Variants in NRG1 observed in about 807,000 individuals in gnomAD.
The protein encoded by NRG1 is pro-neuregulin-1, membrane-bound isoform.
NRG1 carries 18 observed loss-of-function variants against 63.8 expected under a neutral mutation model. That is an observed-to-expected ratio of 0.28 (90% CI 0.19 to 0.42). The LOEUF (loss-of-function observed/expected upper bound fraction) is 0.42, where lower values mean the gene tolerates loss of function less well. Ranked by LOEUF, NRG1 falls within the 10% of genes least tolerant of loss-of-function variation. The probability of loss-of-function intolerance (pLI) is 1.00; values close to 1 mark genes in which losing one functional copy is unlikely to be tolerated. For synonymous variants in NRG1, 302 were observed against 301.3 expected (o/e 1.00, Z -0.02); for missense variants, 762 against 814.7 (o/e 0.94, Z 0.79).
intron 1 of NRG1, among the ~76,000 whole-genome samples, chr8:31,851,459 G>C (rs949527252): frequency 6.6e-6 from 1 of 152,044 alleles, no homozygotes; most frequent in Admixed American, 6.6e-5. Context: ...CTATTGTTTT[G>C]ATATAATTAG....
intron 6 of NRG1, among the ~76,000 whole-genome samples, chr8:32,734,753 T>C (rs1012639798): frequency 7.2e-5 from 11 of 152,318 alleles, no homozygotes; most frequent in African/African-American, 2.6e-4. Flanking sequence ...TTCTTTAGTT[T>C]TTATAGGATT....
At chr8:32,646,941 TGAA>T (rs1853681821) in intron 5 of NRG1, 1 of 981,990 alleles carries the variant, frequency 1.0e-6, no homozygotes, top group Non-Finnish European at 1.2e-6. Context: ...CGGGCTTGGA[TGAA>T]GAAGGGAAAG....
rs1819756072 is a variant in NRG1, at chr8:31,782,215, C to T, written c.37+142784C>T. Among the ~76,000 whole-genome samples the T allele has an allele frequency of 2.6e-5, 4 of 152,156 alleles. No homozygotes were observed. The South Asian group carries it at 8.3e-4, about 31-fold the overall frequency. ...GGTCTTCAGATGCACTGAACATCTT[C>T]CTGCTTGAGGATGTTTGCTGCCTTA... On this transcript the variant is annotated intron_variant, in intron 1 of 10. Coordinates refer to the NRG1 transcript ENST00000519301.
intron 1 of NRG1, among the ~76,000 whole-genome samples, chr8:31,974,536 A>G (rs1350886247): frequency 2.6e-5 from 4 of 151,988 alleles, no homozygotes; most frequent in Non-Finnish European, 5.9e-5. Context: ...GCTCCGAAGT[A>G]CCCTGACTGT....
intron 4 of NRG1, among the ~76,000 whole-genome samples, chr8:32,614,939 G>A (rs749677818): frequency 6.6e-6 from 1 of 152,038 alleles, no homozygotes; most frequent in Non-Finnish European, 1.5e-5. Context: ...TGGGTAATTT[G>A]TCAACATCTG....
chr8:32,676,149 T>TC (rs2128905914), intron 5 of NRG1, among the ~76,000 whole-genome samples: 1 of 152,292 alleles, frequency 6.6e-6, no homozygotes, highest in South Asian at 2.1e-4. Flanking sequence ...CTGCCTCATT[T>TC]TGATGTTTTA....
chr8:32,579,331 T>A (rs1230397757), intron 1 of NRG1, among the ~76,000 whole-genome samples: 1 of 151,546 alleles, frequency 6.6e-6, no homozygotes, highest in Admixed American at 6.6e-5. Flanking sequence ...AAACCCAGAA[T>A]AGATCTTCGT....
intron 1 of NRG1, among the ~76,000 whole-genome samples, chr8:32,428,442 G>T (rs780842542): frequency 6.6e-6 from 1 of 151,482 alleles, no homozygotes; most frequent in Non-Finnish European, 1.5e-5. Context: ...GGGCTTCATT[G>T]TTGGGATGTG....
At chr8:32,187,806 G>C (rs78218789) in intron 1 of NRG1, among the ~76,000 whole-genome samples, 22 of 152,114 alleles carry the variant, frequency 1.4e-4, no homozygotes, top group Non-Finnish European at 2.6e-4. Context: ...ATAGCAGAAA[G>C]CAGATTGGCT....
chr8:32,216,862 C>G (rs1845284647), intron 1 of NRG1, among the ~76,000 whole-genome samples: 1 of 151,844 alleles, frequency 6.6e-6, no homozygotes. Flanking sequence ...CCCAAACCAA[C>G]TTTAGATTAT....
chr8:32,386,105 T>G (rs1055332063), intron 1 of NRG1, among the ~76,000 whole-genome samples: 1 of 152,126 alleles, frequency 6.6e-6, no homozygotes, highest in Admixed American at 6.5e-5. Flanking sequence ...TTCATTCAAT[T>G]TATTTATTTA....
At chr8:32,644,106 T>G (rs1364717867) in intron 5 of NRG1, among the ~76,000 whole-genome samples, 1 of 152,122 alleles carries the variant, frequency 6.6e-6, no homozygotes. Flanking sequence ...ATATGGACTG[T>G]ATGGGATTAG....
chr8:32,504,984 A>C lies in NRG1; in HGVS notation c.38-90844A>C, dbSNP rs540144940. On this transcript the variant is annotated intron_variant, in intron 1 of 10. Transcript: ENST00000519301. ...CAAAGAGATGGCCCTCAGGTCCTTG[A>C]GAAGACAGTTTTGGGTGGTAGAATA... Among the ~76,000 whole-genome samples, 65 of 152,282 alleles carry C rather than the reference A, an allele frequency of 4.3e-4. No individual in the cohort carries two copies. In the South Asian group the frequency reaches 0.013, roughly 31 times the overall value.
chr8:31,765,788 A>G (rs1818000112), intron 1 of NRG1, among the ~76,000 whole-genome samples: 1 of 152,238 alleles, frequency 6.6e-6, no homozygotes, highest in East Asian at 1.9e-4. Flanking sequence ...TGGCTCTTTT[A>G]TCAGGCCAGG....
At chr8:32,481,419 T>C (rs1399166260) in intron 1 of NRG1, among the ~76,000 whole-genome samples, 1 of 152,236 alleles carries the variant, frequency 6.6e-6, no homozygotes, top group African/African-American at 2.4e-5. Context: ...GCAAGCCACA[T>C]AGTTGAAGTT....
At chr8:31,995,252 A>G (rs958199585) in intron 1 of NRG1, among the ~76,000 whole-genome samples, 2 of 151,894 alleles carry the variant, frequency 1.3e-5, no homozygotes, top group Non-Finnish European at 2.9e-5. Flanking sequence ...TTAATCCTTT[A>G]CTTGTCTATG....
intron 1 of NRG1, among the ~76,000 whole-genome samples, chr8:32,412,435 TATATATATATATATATAC>T (rs1266427758): frequency 7.6e-5 from 3 of 39,268 alleles, no homozygotes; most frequent in East Asian, 2.3e-3. Flanking sequence ...TATATATATA[TATATATATATATATATAC>T]ATATATATAT....
intron 1 of NRG1, among the ~76,000 whole-genome samples, chr8:32,412,869 CT>C (rs1350826276): frequency 1.3e-5 from 2 of 152,150 alleles, no homozygotes; most frequent in Admixed American, 6.5e-5. Flanking sequence ...CAGCATATGA[CT>C]GTATATATAC....
chr8:32,137,103 T>G (rs1232013466), intron 1 of NRG1, among the ~76,000 whole-genome samples: 1 of 152,102 alleles, frequency 6.6e-6, no homozygotes, highest in Non-Finnish European at 1.5e-5. Context: ...TTAATTTAAT[T>G]GTAGGAAGCT....
Sources: allele counts gnomAD v4.1 joint callset (sites outside exome capture counted in the v4.1 genomes callset), GRCh38; gene constraint gnomAD v4.1.1; transcripts MANE v1.5; gene names NCBI Gene and HGNC (gene_info 2026-07-23, HGNC 2026-07-21).